ACSM1: variants seen among roughly 807,000 people sequenced by gnomAD.
ACSM1 encodes acyl-coenzyme A synthetase ACSM1, mitochondrial.
A neutral mutation model predicts 75.8 loss-of-function variants in ACSM1; 79 were observed. The observed-to-expected ratio is 1.04, with a 90% CI of 0.87 to 1.26. The LOEUF (loss-of-function observed/expected upper bound fraction) is 1.26, where lower values mean the gene tolerates loss of function less well. Among genes scored for constraint, ACSM1 ranks in the 50% most tolerant of loss-of-function variants. ACSM1 has a pLI of 0.00. For synonymous variants in ACSM1, 279 were observed against 265.8 expected (o/e 1.05, Z -0.48); for missense variants, 676 against 720.1 (o/e 0.94, Z 0.70).
At chr16:20,652,509 T>C (rs951812674) in intron 7 of ACSM1, among the ~76,000 whole-genome samples, 1 of 151,868 alleles carries the variant, frequency 6.6e-6, no homozygotes, top group Non-Finnish European at 1.5e-5. Flanking sequence ...ATTTTTGTCC[T>C]AAAATAAAAA....
intron 10 of ACSM1, among the ~76,000 whole-genome samples, chr16:20,635,483 C>T (rs163239): frequency 0.42 from 64,314 of 152,010 alleles, 15,226 homozygotes; most frequent in Non-Finnish European, 0.54. Flanking sequence ...TAAAAAATCT[C>T]CTGAAATGAT....
chr16:20,624,075 C>T lies in ACSM1; in HGVS notation c.1647+21G>A, dbSNP rs554268464. ...GGAACGCTTCAGGGCCACCAGATCC[C>T]TTCCATCTGCCCTCACTCACCTTCC... On this transcript the variant is annotated intron_variant, in intron 13 of 13. Coordinates refer to ENST00000520010, the MANE Select transcript of ACSM1 (RefSeq NM_001318890.3). The T allele has an allele frequency of 1.1e-5, 18 of 1,609,708 alleles. No homozygotes were observed. The Admixed American group carries it at 3.0e-4, about 27-fold the overall frequency.
chr16:20,679,422 C>T (rs899295606), intron 4 of ACSM1: 6 of 152,054 alleles, frequency 3.9e-5, no homozygotes, highest in Non-Finnish European at 7.3e-5. Context: ...TACACACAGC[C>T]GAAGCTAAGA....
rs368412898 is a variant in ACSM1 at position 20,670,381 on chromosome 16, C to G, written c.753-395G>C. Among the ~76,000 whole-genome samples, 141 of 151,816 alleles carry G rather than the reference C, an allele frequency of 9.3e-4. 6 individuals carry two copies. The South Asian group carries it at 0.028, about 30-fold the overall frequency. On this transcript the variant is annotated intron_variant, in intron 5 of 13. Coordinates refer to ENST00000520010, the MANE Select transcript of ACSM1 (RefSeq NM_001318890.3). ...AACTGTGTTAATTTCCATCATATGT[C>G]TAGTACCTGATCCATGCCACTACTA...
intron 1 of ACSM1, among the ~76,000 whole-genome samples, chr16:20,693,237 G>T (rs1033484884): frequency 1.4e-4 from 21 of 152,022 alleles, no homozygotes; most frequent in African/African-American, 4.3e-4. Context: ...CAATGGACTG[G>T]GATGTGGCAT....
intron 1 of ACSM1, among the ~76,000 whole-genome samples, chr16:20,697,239 AT>A (rs915018773): frequency 6.6e-5 from 10 of 151,908 alleles, no homozygotes; most frequent in Non-Finnish European, 1.2e-4. Context: ...TGCTTGGATA[AT>A]TTTTTTTAGA....
rs111728179 is a variant in ACSM1, at chr16:20,630,247, G to A, written c.1300-2931C>T. ...ATTACAGGCGCATACCACCGTGCCC[G>A]GCTAATCTTTTTTATTTTTAGTAGA... On this transcript the variant is annotated intron_variant, in intron 10 of 13. Coordinates refer to ENST00000520010, the MANE Select transcript of ACSM1 (RefSeq NM_001318890.3). 6.6e-5 allele frequency among the ~76,000 whole-genome samples: 10 copies of A among 151,658 alleles called. 1 individual carries two copies. Among genetic ancestry groups the A allele is most frequent in the Non-Finnish European group, 5.9e-5 (4 of 67,920 alleles).
At chr16:20,677,693 G>A (rs1296586240) in intron 4 of ACSM1, among the ~76,000 whole-genome samples, 1 of 152,176 alleles carries the variant, frequency 6.6e-6, no homozygotes, top group Non-Finnish European at 1.5e-5. Context: ...ATGCAGTGGT[G>A]ACTTTGGACT....
chr16:20,656,721 C>A (rs182963187), intron 7 of ACSM1, among the ~76,000 whole-genome samples: 1 of 152,262 alleles, frequency 6.6e-6, no homozygotes, highest in South Asian at 2.1e-4. Flanking sequence ...ACTCATTTGA[C>A]ATCCCGCTGG....
At chr16:20,690,004 T>G (rs1463759080) in intron 2 of ACSM1, among the ~76,000 whole-genome samples, 1 of 152,222 alleles carries the variant, frequency 6.6e-6, no homozygotes, top group Non-Finnish European at 1.5e-5. Context: ...TCTAATTAGA[T>G]GATTAAATGC....
At chr16:20,680,374 C>T (rs1193723183) in intron 4 of ACSM1, 2 of 152,192 alleles carry the variant, frequency 1.3e-5, no homozygotes, top group East Asian at 3.8e-4. Flanking sequence ...TAAGCCAGTG[C>T]CTGAGCTTCC....
chr16:20,657,374 T>A (rs945572059), intron 7 of ACSM1, among the ~76,000 whole-genome samples: 3 of 151,918 alleles, frequency 2.0e-5, no homozygotes, highest in Non-Finnish European at 2.9e-5. Flanking sequence ...AGCAGTGCGA[T>A]CTCAGCTCAC....
chr16:20,682,033 G>A, intron 4 of ACSM1: 1 of 477,828 alleles, frequency 2.1e-6, no homozygotes, highest in East Asian at 3.6e-5. Context: ...TCTCACTTCT[G>A]TAGTAAGCTT....
At chr16:20,630,805 C>T (rs947728225) in intron 10 of ACSM1, among the ~76,000 whole-genome samples, 1 of 152,102 alleles carries the variant, frequency 6.6e-6, no homozygotes, top group East Asian at 1.9e-4. Flanking sequence ...CTTTAAAAGA[C>T]AGAAATTATA....
intron 1 of ACSM1, 129 bp downstream of exon 1, chr16:20,697,507 C>G (rs2079695827): frequency 6.7e-6 from 1 of 149,934 alleles, no homozygotes; most frequent in Non-Finnish European, 1.5e-5. Flanking sequence ...AGTGACTTGC[C>G]CAAGGTCACT....
chr16:20,665,602 T>C (rs1004414964), intron 6 of ACSM1, among the ~76,000 whole-genome samples: 7 of 149,442 alleles, frequency 4.7e-5, no homozygotes, highest in African/African-American at 1.8e-4. Flanking sequence ...ATCCAAAAGA[T>C]TAAGGAGAAG....
chr16:20,646,353 CTGAGTCAGAA>C (rs1166509544), intron 7 of ACSM1, among the ~76,000 whole-genome samples: 6 of 152,334 alleles, frequency 3.9e-5, no homozygotes, highest in Non-Finnish European at 8.8e-5. Context: ...CGAAGGTCAT[CTGAGTCAGAA>C]GCCACTAACC....
Position 20,655,303 on chromosome 16 carries a change from C to G in ACSM1, c.992+6491G>C, listed in dbSNP as rs144783755. The stretch of plus-strand genomic sequence containing the variant: ...TAGGAGATATACCTAATGTAGATGA[C>G]GAGTTAATGGGTGCAGCACAGCAAC... On this transcript the variant is annotated intron_variant, in intron 7 of 13. Coordinates refer to ENST00000520010, the MANE Select transcript of ACSM1 (RefSeq NM_001318890.3). Among the ~76,000 whole-genome samples, 145 of 150,696 alleles carry G rather than the reference C, an allele frequency of 9.6e-4. 2 individuals are homozygous for G. In the East Asian group the frequency reaches 0.026, roughly 27 times the overall value.
At chr16:20,672,254 G>A (rs1014027433) in intron 4 of ACSM1, among the ~76,000 whole-genome samples, 10 of 150,650 alleles carry the variant, frequency 6.6e-5, no homozygotes, top group Admixed American at 6.0e-4. Flanking sequence ...GTGATGAGGG[G>A]TGGGGAAGAG....
Sources: allele counts gnomAD v4.1 joint callset (sites outside exome capture counted in the v4.1 genomes callset), GRCh38; gene constraint gnomAD v4.1.1; transcripts MANE v1.5; gene names NCBI Gene and HGNC (gene_info 2026-07-23, HGNC 2026-07-21).